The following CAPN8 variants were observed in gnomAD, a reference collection of about 807,000 sequenced individuals.
CAPN8 encodes the protein calpain 8.
Under a neutral mutation model 80.9 loss-of-function variants are expected in CAPN8, and 87 were observed. That is an observed-to-expected ratio of 1.07 (90% confidence interval 0.90 to 1.28). The LOEUF is 1.28. Ranked by LOEUF, CAPN8 falls within the 50% of genes most tolerant of loss-of-function variation. The pLI, the probability that CAPN8 is intolerant of heterozygous loss-of-function variation, is 0.00. For synonymous variants in CAPN8, 299 were observed against 273.8 expected, an observed-to-expected ratio of 1.09 and a Z score of -0.91; for missense variants, 757 against 702.0, an observed-to-expected ratio of 1.08 and a Z score of -0.89.
At chr1:223,609,032 T>C (rs899456017) in intron 12 of CAPN8, 121 bp downstream of exon 12, 1 of 396,344 alleles carries the variant, frequency 2.5e-6, no homozygotes, top group East Asian at 3.6e-5. Flanking sequence ...TTGTAGTTTC[T>C]TAGAGGCTTC....
chr1:223,543,147 G>A lies in CAPN8; in HGVS notation c.2049C>T (p.Asp683=), dbSNP rs147084221. The change falls in exon 20 of 21, where the codon GAC becomes GAT. Residue 683 remains aspartate (D), a synonymous_variant. Transcript: ENST00000366872. The part of the protein sequence containing the change: ...ETLFKLFSLL[D]EDKDGMVQLS... ...GCTGAACCATGCCATCCTTGTCTTC[G>A]TCCAGAAGGCTGAATAGTTCTAAAA... 1.9e-4 allele frequency: 291 copies of A among 1,551,582 alleles called. No homozygotes were observed. Among genetic ancestry groups the A allele is most frequent in the Middle Eastern group, 1.3e-3 (8 of 5,992 alleles).
chr1:223,619,542 G>T, intron 8 of CAPN8, 89 bp from the exon 9 acceptor site: 1 of 1,409,346 alleles, frequency 7.1e-7, no homozygotes, highest in Non-Finnish European at 9.7e-7. Flanking sequence ...GAGCCCTGTG[G>T]CACAGGCCCT....
intron 5 of CAPN8, among the ~76,000 whole-genome samples, chr1:223,626,687 AG>A (rs1282073587): frequency 1.3e-5 from 2 of 152,218 alleles, no homozygotes; most frequent in African/African-American, 4.8e-5. Context: ...TGGGGGGCCT[AG>A]GATCCAGGGA....
At chr1:223,618,635 GA>G (rs1311340556) in intron 9 of CAPN8, among the ~76,000 whole-genome samples, 1 of 152,242 alleles carries the variant, frequency 6.6e-6, no homozygotes, top group African/African-American at 2.4e-5. Context: ...GAGTGGGGAG[GA>G]AGGGGCAAAA....
At chr1:223,619,202 A>G in intron 9 of CAPN8, 91 bp downstream of exon 9, 1 of 1,461,794 alleles carries the variant, frequency 6.8e-7, no homozygotes, top group Non-Finnish European at 9.2e-7. Flanking sequence ...TCAAAAAAAC[A>G]CACAAAATAG....
intron 10 of CAPN8, among the ~76,000 whole-genome samples, chr1:223,613,679 G>T (rs1174381987): frequency 6.6e-6 from 1 of 152,238 alleles, no homozygotes; most frequent in African/African-American, 2.4e-5. Flanking sequence ...AGATAGAGGG[G>T]AGAGAGAGGA....
At chr1:223,616,455 G>C (rs545926849) in intron 9 of CAPN8, among the ~76,000 whole-genome samples, 1 of 152,294 alleles carries the variant, frequency 6.6e-6, no homozygotes, top group East Asian at 1.9e-4. Flanking sequence ...GGCTACACTG[G>C]GCAGCACTGC....
intron 20 of CAPN8, 37 bp downstream of exon 20, chr1:223,543,071 C>T: frequency 6.4e-7 from 1 of 1,550,422 alleles, no homozygotes; most frequent in South Asian, 1.2e-5. Flanking sequence ...TTCAGAGTAC[C>T]ATCAGCCAGC....
chr1:223,656,542 T>C (rs1252943246), intron 1 of CAPN8, among the ~76,000 whole-genome samples: 1 of 152,030 alleles, frequency 6.6e-6, no homozygotes, highest in Non-Finnish European at 1.5e-5. Flanking sequence ...AACCCAACAG[T>C]AAATAATGGT....
At chr1:223,625,001 G>A (rs1395751486) in intron 6 of CAPN8, among the ~76,000 whole-genome samples, 1 of 152,190 alleles carries the variant, frequency 6.6e-6, no homozygotes, top group Non-Finnish European at 1.5e-5. Flanking sequence ...GCTGAGGCAG[G>A]AGAATGGCGT....
Position 223,665,487 on chromosome 1 carries a change from A to G in CAPN8, c.160T>C (p.Cys54Arg). 1 of 1,551,952 alleles carries G rather than the reference A, an allele frequency of 6.4e-7. No individual in the cohort carries two copies. The highest frequency in any genetic ancestry group is 1.2e-5 in the South Asian group (1 of 84,054). The change falls in exon 1 of 21, where the codon TGT (cysteine) becomes CGT (arginine). Residue 54 changes from cysteine (C) to arginine (R), a missense_variant. Coordinates refer to ENST00000366872, the MANE Select transcript of CAPN8 (RefSeq NM_001143962.2). ...TCCTTGTAGCCCAAAGCTGATGGAC[A>G]TGCTGGGAACTCAGGGTCCTTAAAT... ...VLFKDPEFPACPSALGYKDLG... is the reference protein window; with the variant it reads ...VLFKDPEFPARPSALGYKDLG...
chr1:223,618,943 A>C (rs1657289752), intron 9 of CAPN8, among the ~76,000 whole-genome samples: 1 of 152,204 alleles, frequency 6.6e-6, no homozygotes, highest in Non-Finnish European at 1.5e-5. Flanking sequence ...TAATCCCAGA[A>C]CTTTGGGAGG....
At chr1:223,549,062 T>C (rs1029164592) in intron 16 of CAPN8, among the ~76,000 whole-genome samples, 2 of 152,060 alleles carry the variant, frequency 1.3e-5, no homozygotes, top group African/African-American at 4.8e-5. Flanking sequence ...TGATTTTAAA[T>C]AAGTCACCTA....
chr1:223,545,820 A>G (rs1656604553), intron 16 of CAPN8, among the ~76,000 whole-genome samples: 1 of 111,602 alleles, frequency 9.0e-6, no homozygotes, highest in Admixed American at 8.9e-5. Context: ...TCACTCCACA[A>G]CTTTTTTTTT....
intron 1 of CAPN8, among the ~76,000 whole-genome samples, chr1:223,660,069 G>A (rs1658604990): frequency 1.3e-5 from 2 of 152,168 alleles, no homozygotes; most frequent in African/African-American, 2.4e-5. Context: ...AAGAAAGAGT[G>A]GAAGCTCCAA....
intron 4 of CAPN8, among the ~76,000 whole-genome samples, chr1:223,627,760 G>C (rs935404293): frequency 1.3e-5 from 2 of 152,206 alleles, no homozygotes; most frequent in Non-Finnish European, 2.9e-5. Flanking sequence ...CAGGCCCAGA[G>C]GGGCAGGGAG....
At chr1:223,635,499 T>A (rs1657893155) in intron 2 of CAPN8, among the ~76,000 whole-genome samples, 2 of 152,256 alleles carry the variant, frequency 1.3e-5, no homozygotes, top group South Asian at 4.1e-4. Flanking sequence ...GGAAGCTGCC[T>A]GGAGGCAGAC....
rs1332322479 is a variant in CAPN8, at chr1:223,656,973, C to T, written c.238-2574G>A. ...TGCTGGGATTACAGGCATGAGCCACCGCGCCCAGCCACATACACACATTTT... is the reference window on the plus strand; with the variant it reads ...TGCTGGGATTACAGGCATGAGCCACTGCGCCCAGCCACATACACACATTTT... On this transcript the variant is annotated intron_variant, in intron 1 of 20. Coordinates refer to ENST00000366872, the MANE Select transcript of CAPN8 (RefSeq NM_001143962.2). 4.6e-5 allele frequency among the ~76,000 whole-genome samples: 7 copies of T among 152,108 alleles called. No individual in the cohort carries two copies. In the South Asian group the frequency reaches 8.3e-4, roughly 18 times the overall value.
At chr1:223,623,786 G>A (rs183347147) in intron 6 of CAPN8, among the ~76,000 whole-genome samples, 1 of 152,068 alleles carries the variant, frequency 6.6e-6, no homozygotes, top group African/African-American at 2.4e-5. Flanking sequence ...ATGAGGTCAG[G>A]AGATCAAGAC....
Sources: gnomAD v4.1 joint callset for allele counts (sites outside exome capture counted in the v4.1 genomes callset) on GRCh38, gnomAD v4.1.1 for gene constraint, MANE v1.5 for transcripts, NCBI Gene and HGNC (gene_info 2026-07-23, HGNC 2026-07-21) for gene names.